MARK4: variants seen among roughly 807,000 people sequenced by gnomAD.
MARK4 encodes the protein microtubule affinity regulating kinase 4.
In MARK4, 19 loss-of-function variants were observed where a neutral mutation model predicts 81.5. That is an observed-to-expected ratio of 0.23 (90% CI 0.16 to 0.34). The LOEUF (loss-of-function observed/expected upper bound fraction) is 0.34, where lower values mean the gene tolerates loss of function less well. Among genes scored for constraint, MARK4 ranks in the 10% least tolerant of loss-of-function variants. The probability of loss-of-function intolerance (pLI) is 1.00; values close to 1 mark genes in which losing one functional copy is unlikely to be tolerated. For synonymous variants in MARK4, 436 were observed against 439.0 expected, an observed-to-expected ratio of 0.99 and a Z score of 0.08; for missense variants, 772 against 1,058.8, an observed-to-expected ratio of 0.73 and a Z score of 3.76.
intron 6 of MARK4, 130 bp downstream of exon 6, chr19:45,265,040 C>T: frequency 1.2e-6 from 1 of 854,774 alleles, no homozygotes; most frequent in Non-Finnish European, 1.9e-6. Context: ...GGTGAAGGTG[C>T]AGAGCTGGGT....
At chr19:45,293,441 A>G (rs139446437) in intron 13 of MARK4, among the ~76,000 whole-genome samples, 154 of 152,368 alleles carry the variant, frequency 1.0e-3, no homozygotes, top group Non-Finnish European at 1.6e-3. Flanking sequence ...TTAACAGCTT[A>G]GATGAAATGG....
At chr19:45,262,985 G>C in intron 2 of MARK4, 128 bp from the exon 3 acceptor site, 4 of 1,090,368 alleles carry the variant, frequency 3.7e-6, no homozygotes, top group Non-Finnish European at 5.3e-6. Flanking sequence ...GGCTGGTCTC[G>C]AACTCCTGGC....
intron 14 of MARK4, 76 bp downstream of exon 14, chr19:45,294,528 G>A: frequency 7.7e-7 from 1 of 1,292,966 alleles, no homozygotes; most frequent in Non-Finnish European, 1.1e-6. Flanking sequence ...GATCTGAGAT[G>A]ATAGGCATTG....
intron 8 of MARK4, among the ~76,000 whole-genome samples, chr19:45,273,724 G>A (rs1233620340): frequency 6.6e-6 from 1 of 152,244 alleles, no homozygotes; most frequent in African/African-American, 2.4e-5. Context: ...GGGGTGCATT[G>A]GGGCAGGAAT....
chr19:45,252,100 G>A (rs533986339), intron 1 of MARK4, among the ~76,000 whole-genome samples: 3 of 152,058 alleles, frequency 2.0e-5, no homozygotes, highest in African/African-American at 4.8e-5. Flanking sequence ...CCTGTCTGGG[G>A]CTGGGTGCCG....
At chr19:45,262,992 T>G in intron 2 of MARK4, 121 bp from the exon 3 acceptor site, 1 of 1,163,094 alleles carries the variant, frequency 8.6e-7, no homozygotes, top group Middle Eastern at 2.0e-4. Context: ...CTCGAACTCC[T>G]GGCCTCAAGT....
At chr19:45,279,059 A>T (rs533932799) in intron 10 of MARK4, among the ~76,000 whole-genome samples, 1 of 146,972 alleles carries the variant, frequency 6.8e-6, no homozygotes, top group African/African-American at 2.5e-5. Context: ...TCTGTACAAA[A>T]AAATAAAAAT....
rs529042813 is a variant in MARK4 at position 45,303,962 on chromosome 19, G to A, written c.*1252G>A. 4.6e-5 allele frequency: 7 copies of A among 152,438 alleles called. No individual in the cohort carries two copies. In the East Asian group the frequency reaches 7.7e-4, roughly 17 times the overall value. 9.4% of individuals were successfully genotyped at this position (152,438 alleles called of 1,614,324 possible). On this transcript the variant is annotated 3_prime_UTR_variant, in exon 17 of 17. Coordinates refer to ENST00000262891, the MANE Select transcript of MARK4 (RefSeq NM_001199867.2). ...ATCTTCAGAGAACTGGGTAATTTCA[G>A]TGTGGCTGCTGTGTTGGGCATGGAT...
Position 45,264,874 on chromosome 19 carries a change from C to T in MARK4, c.456C>T (p.Arg152=). The T allele has an allele frequency of 1.2e-6, 2 of 1,614,124 alleles. No homozygotes were observed. Residue 152 remains arginine (R), a synonymous_variant, in exon 6 of 17, where the codon CGC becomes CGT. Transcript: ENST00000262891. ...TTGACTACCTCGTGTCGCATGGCCGCATGAAGGAGAAGGAAGCTCGAGCCA... is the reference window on the plus strand; with the variant it reads ...TTGACTACCTCGTGTCGCATGGCCGTATGAAGGAGAAGGAAGCTCGAGCCA... ...EVFDYLVSHG[R]MKEKEARAKF... is the part of the protein sequence containing the mutation.
chr19:45,287,370 C>T (rs980966512), intron 12 of MARK4, 77 bp from the exon 13 acceptor site: 2 of 1,035,090 alleles, frequency 1.9e-6, no homozygotes, highest in Non-Finnish European at 2.7e-6. Context: ...GAGGAATTCT[C>T]AGGTTCCAAC....
intron 6 of MARK4, 82 bp downstream of exon 6, chr19:45,264,992 G>A: frequency 7.1e-7 from 1 of 1,410,228 alleles, no homozygotes; most frequent in Non-Finnish European, 1.0e-6. Context: ...GGTCTGGGCT[G>A]TCCAGCGACC....
Position 45,251,534 on chromosome 19 carries a change from C to T in MARK4, c.-55C>T, listed in dbSNP as rs1970239984. 1 of 710,418 alleles carries T rather than the reference C, an allele frequency of 1.4e-6. No homozygotes were observed. The highest frequency in any genetic ancestry group is 2.0e-5 in the African/African-American group (1 of 50,714). 44.0% of individuals were successfully genotyped at this position (710,418 alleles called of 1,614,324 possible). On this transcript the variant is annotated 5_prime_UTR_variant, in exon 1 of 17. Transcript: ENST00000262891. ...GGGGGGGAGGGGAAGAGAGGGGACC[C>T]TGGGACCCCCGCCCCCCCCACCCGG...
intron 13 of MARK4, chr19:45,288,216 A>G (rs1970772556): frequency 6.5e-6 from 1 of 153,116 alleles, no homozygotes; most frequent in Admixed American, 6.5e-5. Context: ...TGACAGAGCA[A>G]AACCCTGTCT....
chr19:45,299,892 C>T (rs868260507), intron 16 of MARK4, 37 bp downstream of exon 16: 19 of 1,574,936 alleles, frequency 1.2e-5, no homozygotes, highest in Non-Finnish European at 1.6e-5. Context: ...GCCACTTCCC[C>T]TCTCCTGCCT....
chr19:45,275,907 G>A (rs1399971801), intron 8 of MARK4, among the ~76,000 whole-genome samples: 2 of 152,228 alleles, frequency 1.3e-5, no homozygotes, highest in African/African-American at 4.8e-5. Context: ...GGCTCCCCAG[G>A]CATGGGCATC....
At chr19:45,296,140 T>G (rs1009033394) in intron 14 of MARK4, among the ~76,000 whole-genome samples, 22 of 152,152 alleles carry the variant, frequency 1.4e-4, no homozygotes, top group African/African-American at 5.3e-4. Flanking sequence ...AGAATCTTAT[T>G]TGTAATCACT....
intron 13 of MARK4, among the ~76,000 whole-genome samples, chr19:45,292,880 T>A (rs1415487158): frequency 6.0e-5 from 9 of 151,048 alleles, no homozygotes; most frequent in Non-Finnish European, 4.4e-5. Context: ...TCAAAAAAAG[T>A]AGAAGGGAGG....
chr19:45,263,216 C>T (rs749217403), intron 3 of MARK4, 50 bp downstream of exon 3: 10 of 1,613,068 alleles, frequency 6.2e-6, no homozygotes, highest in African/African-American at 2.7e-5. Context: ...CCGGCACAGC[C>T]GGGTGACCCA....
intron 8 of MARK4, among the ~76,000 whole-genome samples, chr19:45,275,849 C>T (rs1192991364): frequency 2.0e-5 from 3 of 152,194 alleles, no homozygotes; most frequent in Non-Finnish European, 4.4e-5. Flanking sequence ...GGTAAGTGTC[C>T]TGAAAGTGAT....
Sources: allele counts gnomAD v4.1 joint callset (sites outside exome capture counted in the v4.1 genomes callset), GRCh38; gene constraint gnomAD v4.1.1; transcripts MANE v1.5; gene names NCBI Gene and HGNC (gene_info 2026-07-23, HGNC 2026-07-21).